The following INO80 variants were observed in gnomAD, a reference collection of about 807,000 sequenced individuals.
INO80 encodes the protein INO80 complex ATPase subunit, also known as chromatin-remodeling ATPase INO80.
A neutral mutation model predicts 203.4 loss-of-function variants in INO80; 20 were observed. The ratio of observed to expected loss-of-function variants is 0.10; its 90% CI spans 0.07 to 0.14. The LOEUF (loss-of-function observed/expected upper bound fraction) is 0.14, where lower values mean the gene tolerates loss of function less well. INO80 is among the 10% of genes least tolerant of loss of function. The pLI is 1.00. For missense variants in INO80, 1,419 were observed against 1,914.4 expected, an observed-to-expected ratio of 0.74 and a Z score of 4.83; for synonymous variants, 726 against 685.2, an observed-to-expected ratio of 1.06 and a Z score of -0.93.
At chr15:41,063,556 T>G (rs1391335621) in intron 14 of INO80, among the ~76,000 whole-genome samples, 1 of 151,164 alleles carries the variant, frequency 6.6e-6, no homozygotes. Flanking sequence ...GGCGGATCAC[T>G]TGAGGTCAGG....
chr15:40,986,718 T>G (rs1477330626), intron 31 of INO80, among the ~76,000 whole-genome samples: 1 of 152,124 alleles, frequency 6.6e-6, no homozygotes, highest in East Asian at 1.9e-4. Flanking sequence ...CTCCACCTCC[T>G]GGGTTCAAGC....
At chr15:40,980,876 C>T (rs1047725959) in intron 35 of INO80, among the ~76,000 whole-genome samples, 1 of 152,144 alleles carries the variant, frequency 6.6e-6, no homozygotes, top group African/African-American at 2.4e-5. Context: ...TCCAGTAAGT[C>T]GGGCCAGAGG....
intron 14 of INO80, among the ~76,000 whole-genome samples, chr15:41,063,895 T>C (rs559809222): frequency 2.0e-5 from 3 of 152,204 alleles, no homozygotes; most frequent in African/African-American, 4.8e-5. Context: ...AAAAACAATA[T>C]ATATCAGAAA....
At position 41,096,153 on chromosome 15, in the gene INO80, G is replaced by A. The variant is rs1275338838; in HGVS notation, c.143+15C>T. The A allele has an allele frequency of 6.3e-7, 1 of 1,589,550 alleles. No homozygotes were observed. Among genetic ancestry groups the A allele is most frequent in the Admixed American group, 1.9e-5 (1 of 53,192 alleles). On this transcript the variant is annotated intron_variant, in intron 2 of 35. Transcript: ENST00000648947. ...GGAATTTGGTAAAACATATTGCAAAGATACAATAACATACCTAGAAATATT... is the reference window on the plus strand; with the variant it reads ...GGAATTTGGTAAAACATATTGCAAAAATACAATAACATACCTAGAAATATT...
intron 27 of INO80, among the ~76,000 whole-genome samples, chr15:41,006,947 G>A (rs747588520): frequency 1.6e-4 from 25 of 152,090 alleles, no homozygotes; most frequent in Non-Finnish European, 2.9e-4. Flanking sequence ...TGGCAGAAGG[G>A]TAGGGGGCGT....
Position 41,116,011 on chromosome 15 carries a change from G to C in INO80, c.-82C>G. 1 of 390,824 alleles carries C rather than the reference G, an allele frequency of 2.6e-6. No individual in the cohort carries two copies. Among genetic ancestry groups the C allele is most frequent in the African/African-American group, 2.1e-5 (1 of 48,236 alleles). 24.2% of individuals were successfully genotyped at this position (390,824 alleles called of 1,614,324 possible). A position where few individuals can be genotyped will look rare whatever the true frequency, so the allele number is the denominator to read the frequency against. ...GCCCCGCCGCCGCGACGGCGGCGGA[G>C]GGGGGGCGGGGTGCGGGCGGGGTCC... On this transcript the variant is annotated 5_prime_UTR_variant, in exon 1 of 36. Coordinates refer to ENST00000648947, the MANE Select transcript of INO80 (RefSeq NM_017553.3).
intron 17 of INO80, among the ~76,000 whole-genome samples, chr15:41,056,111 T>C (rs1011760084): frequency 2.6e-5 from 4 of 151,996 alleles, no homozygotes; most frequent in Non-Finnish European, 5.9e-5. Context: ...GCCTGGCTAA[T>C]TTTTTGATTT....
In INO80 at chr15:40,978,971, G is replaced by A. The variant is rs1188928317; in HGVS notation, c.*1252C>T. On this transcript the variant is annotated 3_prime_UTR_variant, in exon 36 of 36. Transcript: ENST00000648947. Reference sequence around the variant, plus strand: ...TGTCTCTCTTTATACATATGTACAAGTTCAGTTATAAAAATAGCACATTCA... The same window carrying A: ...TGTCTCTCTTTATACATATGTACAAATTCAGTTATAAAAATAGCACATTCA... The A allele has an allele frequency of 6.6e-6, 1 of 152,524 alleles. No individual in the cohort carries two copies. Among genetic ancestry groups the A allele is most frequent in the Non-Finnish European group, 1.5e-5 (1 of 68,028 alleles). 9.4% of individuals were successfully genotyped at this position (152,524 alleles called of 1,614,324 possible). A position where few individuals can be genotyped will look rare whatever the true frequency, so the allele number is the denominator to read the frequency against.
Position 41,036,000 on chromosome 15 carries a change from A to G in INO80, c.2908-8264T>C, listed in dbSNP as rs867392077. Reference sequence around the variant, plus strand: ...AAAACAAAACAAAACAAAAAAACCCATAAAATTAGCTGGGCATGATGGCCC... The same window carrying G: ...AAAACAAAACAAAACAAAAAAACCCGTAAAATTAGCTGGGCATGATGGCCC... On this transcript the variant is annotated intron_variant, in intron 24 of 35. Coordinates refer to ENST00000648947, the MANE Select transcript of INO80 (RefSeq NM_017553.3). Among the ~76,000 whole-genome samples, 3 of 149,542 alleles carry G rather than the reference A, an allele frequency of 2.0e-5. No individual in the cohort carries two copies. In the Admixed American group the frequency reaches 2.0e-4, roughly 10 times the overall value.
chr15:41,000,706 C>CAAAAAAAAAAAA (rs58232890), intron 28 of INO80, among the ~76,000 whole-genome samples: 2 of 56,826 alleles, frequency 3.5e-5, no homozygotes, highest in Admixed American at 2.3e-4. Flanking sequence ...CACCCTGTCT[C>CAAAAAAAAAAAA]AAAAAAAAAA....
Position 40,983,013 on chromosome 15 carries a change from G to A in INO80, c.4302C>T (p.Pro1434=). The A allele has an allele frequency of 6.2e-7, 1 of 1,614,110 alleles. No homozygotes were observed. Among genetic ancestry groups the A allele is most frequent in the South Asian group, 1.1e-5 (1 of 91,088 alleles). Reference sequence around the variant, plus strand: ...CTTTGGCTGTGCTTCCTGAACCTTTGGGGCGGCCTCGGCTTCGGGCTGAGT... The same window carrying A: ...CTTTGGCTGTGCTTCCTGAACCTTTAGGGCGGCCTCGGCTTCGGGCTGAGT... ...RGHSARSRGR[P]KGSGSTAKGA... The change falls in exon 35 of 36, where the codon CCC becomes CCT. Residue 1434 remains proline, a synonymous_variant. Transcript: ENST00000648947.
At chr15:40,981,714 T>C (rs987541039) in intron 35 of INO80, among the ~76,000 whole-genome samples, 2 of 152,230 alleles carry the variant, frequency 1.3e-5, no homozygotes, top group African/African-American at 4.8e-5. Context: ...TCCTGTACTT[T>C]ATAGCTACAA....
chr15:41,103,227 T>G (rs1436898560), intron 1 of INO80, among the ~76,000 whole-genome samples: 1 of 152,240 alleles, frequency 6.6e-6, no homozygotes, highest in East Asian at 1.9e-4. Flanking sequence ...TTGGGAATAA[T>G]GTCTGGAATA....
intron 27 of INO80, among the ~76,000 whole-genome samples, chr15:41,007,594 G>A (rs2044067053): frequency 6.6e-6 from 1 of 151,818 alleles, no homozygotes; most frequent in Non-Finnish European, 1.5e-5. Context: ...CAACCCCGGG[G>A]ATATTAATCC....
intron 31 of INO80, 146 bp downstream of exon 31, chr15:40,986,942 ATTC>A (rs1361719082): frequency 1.9e-5 from 10 of 538,922 alleles, no homozygotes; most frequent in African/African-American, 1.7e-4. Context: ...CTACAAACAC[ATTC>A]TTGTTTGGGT....
At chr15:41,038,011 C>CTTTTTTTTTTTTTTTTTTTTTTTTTTT (rs748525965) in intron 24 of INO80, among the ~76,000 whole-genome samples, 1 of 89,794 alleles carries the variant, frequency 1.1e-5, no homozygotes, top group African/African-American at 4.4e-5. Context: ...CTTCCCTTTT[C>CTTTTTTTTTTTTTTTTTTTTTTTTTTT]TTTTTTTTTT....
intron 14 of INO80, among the ~76,000 whole-genome samples, chr15:41,063,023 G>A (rs533814479): frequency 3.3e-5 from 5 of 152,214 alleles, no homozygotes; most frequent in East Asian, 1.9e-4. Context: ...TCTCCTGAGC[G>A]CTGTCATGGG....
intron 28 of INO80, among the ~76,000 whole-genome samples, chr15:41,000,845 G>C (rs1430846344): frequency 2.0e-5 from 3 of 151,834 alleles, no homozygotes; most frequent in Non-Finnish European, 4.4e-5. Context: ...GAACACTAGT[G>C]AAAGAAATGT....
chr15:41,099,578 C>CA (rs1383061306), intron 1 of INO80, among the ~76,000 whole-genome samples: 1 of 151,828 alleles, frequency 6.6e-6, no homozygotes, highest in Non-Finnish European at 1.5e-5. Context: ...CCCAAGAGTT[C>CA]AAGACCAGCC....
Sources: gnomAD v4.1 joint callset for allele counts (sites outside exome capture counted in the v4.1 genomes callset) on GRCh38, gnomAD v4.1.1 for gene constraint, MANE v1.5 for transcripts, NCBI Gene and HGNC (gene_info 2026-07-23, HGNC 2026-07-21) for gene names.